ACTR3C: variants seen among roughly 807,000 people sequenced by gnomAD.
The protein encoded by ACTR3C is actin-related protein 3C.
Under a neutral mutation model 26.3 loss-of-function variants are expected in ACTR3C, and 18 were observed. The observed-to-expected ratio is 0.68, with a 90% CI of 0.47 to 1.01. The LOEUF (loss-of-function observed/expected upper bound fraction) is 1.01. Among genes scored for constraint, ACTR3C ranks in the 50% least tolerant of loss-of-function variants. The probability of loss-of-function intolerance (pLI) is 0.00; values close to 1 mark genes in which losing one functional copy is unlikely to be tolerated. For synonymous variants in ACTR3C, 55 were observed against 94.5 expected (o/e 0.58, Z 2.42); for missense variants, 184 against 250.7 (o/e 0.73, Z 1.80).
chr7:150,295,377 T>C (rs968038552), intron 1 of ACTR3C, 30 bp from the exon 2 acceptor site: 12 of 1,601,634 alleles, frequency 7.5e-6, no homozygotes, highest in African/African-American at 1.3e-5. Flanking sequence ...ATATTTAGTG[T>C]TTACCCAAAT....
the ACTR3C span, among the ~76,000 whole-genome samples, chr7:150,203,746 T>A: frequency 6.6e-6 from 1 of 152,136 alleles, no homozygotes; most frequent in African/African-American, 2.4e-5. Flanking sequence ...TTTGTATTTT[T>A]AGTAGAGACG....
the ACTR3C span, among the ~76,000 whole-genome samples, chr7:150,199,035 C>T: frequency 6.8e-6 from 1 of 147,340 alleles, no homozygotes; most frequent in African/African-American, 2.6e-5. Context: ...GTGAGGGGCG[C>T]CTCTGCCCGG....
At chr7:150,199,449 A>C in the ACTR3C span, among the ~76,000 whole-genome samples, 6 of 102,524 alleles carry the variant, frequency 5.9e-5, no homozygotes, top group South Asian at 2.1e-3. Context: ...ATCTCAAGTA[A>C]TCAGGGACAC....
chr7:150,103,398 C>G, the ACTR3C span, among the ~76,000 whole-genome samples: 8 of 151,900 alleles, frequency 5.3e-5, no homozygotes, highest in African/African-American at 1.9e-4. Flanking sequence ...TGAGCTTCAC[C>G]CAGAAGGAAG....
At chr7:150,297,179 G>A (rs550417497) in intron 1 of ACTR3C, among the ~76,000 whole-genome samples, 2 of 146,574 alleles carry the variant, frequency 1.4e-5, no homozygotes, top group Non-Finnish European at 2.9e-5. Context: ...AGGGAAGAAG[G>A]TACGACCCAA....
At chr7:149,972,142 C>T in the ACTR3C span, among the ~76,000 whole-genome samples, 6 of 152,194 alleles carry the variant, frequency 3.9e-5, no homozygotes, top group South Asian at 2.1e-4. Flanking sequence ...CCAGCTTCAC[C>T]GGCCCTGCAC....
chr7:150,048,522 G>A, the ACTR3C span, among the ~76,000 whole-genome samples: 481 of 152,270 alleles, frequency 3.2e-3, 3 homozygotes, highest in African/African-American at 0.011. Flanking sequence ...GGGTTCTGCG[G>A]CCCCGCCGAA....
At chr7:150,303,541 A>T (rs1563200117) in intron 1 of ACTR3C, among the ~76,000 whole-genome samples, 1 of 152,230 alleles carries the variant, frequency 6.6e-6, no homozygotes, top group East Asian at 1.9e-4. Context: ...CATTTAAAGG[A>T]ACATTTACAA....
At chr7:149,920,764 G>A in the ACTR3C span, among the ~76,000 whole-genome samples, 6 of 148,918 alleles carry the variant, frequency 4.0e-5, no homozygotes, top group Middle Eastern at 3.4e-3. Flanking sequence ...TCTTTTAGGG[G>A]TTTGTTTTGT....
chr7:150,161,584 G>A, the ACTR3C span, among the ~76,000 whole-genome samples: 2 of 152,056 alleles, frequency 1.3e-5, no homozygotes, highest in Non-Finnish European at 2.9e-5. Context: ...TGGTGCATGT[G>A]TGCCACATTT....
the ACTR3C span, among the ~76,000 whole-genome samples, chr7:149,991,002 A>G: frequency 6.6e-6 from 1 of 152,168 alleles, no homozygotes; most frequent in South Asian, 2.1e-4. Flanking sequence ...TCATGCTGCT[A>G]ATAAAGACAT....
the ACTR3C span, among the ~76,000 whole-genome samples, chr7:149,970,019 G>A: frequency 3.3e-5 from 5 of 151,960 alleles, no homozygotes; most frequent in South Asian, 4.2e-4. Context: ...GAAGAAAATC[G>A]GTATAACTAG....
the ACTR3C span, among the ~76,000 whole-genome samples, chr7:150,169,605 C>A: frequency 2.0e-5 from 3 of 150,502 alleles, no homozygotes; most frequent in Non-Finnish European, 4.4e-5. Context: ...TAGTTGGTTA[C>A]AGCAACCCAA....
At chr7:149,942,685 T>C in the ACTR3C span, among the ~76,000 whole-genome samples, 29,132 of 142,420 alleles carry the variant, frequency 0.2, 4,958 homozygotes, top group African/African-American at 0.48. Flanking sequence ...CAGTTCAAAA[T>C]GATTTCAGTG....
chr7:150,230,728 A>G, the ACTR3C span, among the ~76,000 whole-genome samples: 4 of 152,202 alleles, frequency 2.6e-5, no homozygotes, highest in South Asian at 8.3e-4. Flanking sequence ...AGTGTCAAAA[A>G]TGCTGGGGAC....
the ACTR3C span, among the ~76,000 whole-genome samples, chr7:150,040,363 G>A: frequency 1.4e-4 from 21 of 148,004 alleles, no homozygotes; most frequent in Admixed American, 8.0e-4. Flanking sequence ...TTGTCAGATC[G>A]GGTAGCCCCA....
chr7:150,068,640 G>T, the ACTR3C span, among the ~76,000 whole-genome samples: 4 of 150,768 alleles, frequency 2.7e-5, no homozygotes, highest in East Asian at 1.9e-4. Context: ...AAAAATAGGC[G>T]GGTGTGGTGG....
At chr7:150,038,531 CA>C in the ACTR3C span, among the ~76,000 whole-genome samples, 6 of 144,986 alleles carry the variant, frequency 4.1e-5, 1 homozygote, top group South Asian at 8.5e-4. Context: ...CCACAGCCTA[CA>C]AAACCCCACA....
chr7:149,993,881 T>C, the ACTR3C span, among the ~76,000 whole-genome samples: 1 of 152,162 alleles, frequency 6.6e-6, no homozygotes, highest in Non-Finnish European at 1.5e-5. Context: ...CAAAATCCGA[T>C]CGCATGTTGA....
Sources: allele counts gnomAD v4.1 joint callset (sites outside exome capture counted in the v4.1 genomes callset), GRCh38; gene constraint gnomAD v4.1.1; transcripts MANE v1.5; gene names NCBI Gene and HGNC (gene_info 2026-07-23, HGNC 2026-07-21).